The following ATP8B4 variants were observed in gnomAD, a reference collection of about 807,000 sequenced individuals.
The protein encoded by ATP8B4 is probable phospholipid-transporting ATPase IM.
ATP8B4 carries 133 observed loss-of-function variants against 145.6 expected under a neutral mutation model. That is an observed-to-expected ratio of 0.91 (90% CI 0.79 to 1.05). The LOEUF (loss-of-function observed/expected upper bound fraction) is 1.05. Ranked by LOEUF, ATP8B4 falls within the 50% of genes least tolerant of loss-of-function variation. ATP8B4 has a pLI of 0.00. For synonymous variants in ATP8B4, 507 were observed against 492.9 expected, an observed-to-expected ratio of 1.03 and a Z score of -0.38; for missense variants, 1,458 against 1,425.2, an observed-to-expected ratio of 1.02 and a Z score of -0.37.
At chr15:50,163,294 G>A (rs1323657133) in intron 1 of ATP8B4, among the ~76,000 whole-genome samples, 1 of 152,190 alleles carries the variant, frequency 6.6e-6, no homozygotes, top group Non-Finnish European at 1.5e-5. Flanking sequence ...CAAGGCACTT[G>A]GGTATTGTGA....
intron 20 of ATP8B4, among the ~76,000 whole-genome samples, chr15:49,907,475 T>C (rs189903636): frequency 6.6e-6 from 1 of 152,296 alleles, no homozygotes; most frequent in Non-Finnish European, 1.5e-5. Context: ...GCTGCCCTTA[T>C]TGGGGAAATA....
chr15:50,060,115 G>T (rs2052902261), intron 3 of ATP8B4, among the ~76,000 whole-genome samples: 1 of 152,068 alleles, frequency 6.6e-6, no homozygotes, highest in Non-Finnish European at 1.5e-5. Flanking sequence ...GACCCACAGC[G>T]TCCCCTGGGT....
chr15:50,012,258 T>C (rs2048770635), intron 6 of ATP8B4, among the ~76,000 whole-genome samples: 1 of 152,182 alleles, frequency 6.6e-6, no homozygotes, highest in Non-Finnish European at 1.5e-5. Context: ...GTGACACTTC[T>C]CAGCAAACAG....
intron 1 of ATP8B4, among the ~76,000 whole-genome samples, chr15:50,159,101 T>TA (rs149366268): frequency 0.022 from 3,226 of 148,480 alleles, 42 homozygotes; most frequent in Non-Finnish European, 0.031. Flanking sequence ...GAATGATCAA[T>TA]AAAAAAAAAA....
At chr15:49,933,090 C>G (rs2041409551) in intron 15 of ATP8B4, among the ~76,000 whole-genome samples, 1 of 151,416 alleles carries the variant, frequency 6.6e-6, no homozygotes, top group African/African-American at 2.4e-5. Flanking sequence ...CCAACTGGAC[C>G]CAAAAAATTT....
chr15:49,909,122 T>G (rs1350777725), intron 20 of ATP8B4, among the ~76,000 whole-genome samples: 1 of 152,048 alleles, frequency 6.6e-6, no homozygotes, highest in African/African-American at 2.4e-5. Flanking sequence ...GTCTGTCCAG[T>G]CTGGCTTTGA....
At chr15:50,161,559 C>A (rs1029952169) in intron 1 of ATP8B4, among the ~76,000 whole-genome samples, 1 of 151,816 alleles carries the variant, frequency 6.6e-6, no homozygotes, top group Admixed American at 6.6e-5. Context: ...TACCATGAGG[C>A]TTGTAAATAA....
chr15:50,138,295 C>T (rs562204028), intron 1 of ATP8B4, among the ~76,000 whole-genome samples: 54 of 150,460 alleles, frequency 3.6e-4, no homozygotes, highest in African/African-American at 1.3e-3. Flanking sequence ...ATTGCAGGTC[C>T]AGATAGATAC....
At chr15:50,160,890 G>A (rs2044508428) in intron 1 of ATP8B4, among the ~76,000 whole-genome samples, 1 of 151,950 alleles carries the variant, frequency 6.6e-6, no homozygotes, top group African/African-American at 2.4e-5. Flanking sequence ...AGTTCATTTG[G>A]TTTATGGTGC....
chr15:50,110,036 C>G (rs1389157186), intron 1 of ATP8B4, among the ~76,000 whole-genome samples: 1 of 152,166 alleles, frequency 6.6e-6, no homozygotes, highest in African/African-American at 2.4e-5. Flanking sequence ...TCCAAAGTGT[C>G]TTTGAAACCT....
intron 1 of ATP8B4, among the ~76,000 whole-genome samples, chr15:50,178,253 G>A (rs796739627): frequency 8.5e-5 from 13 of 152,282 alleles, no homozygotes; most frequent in African/African-American, 3.1e-4. Flanking sequence ...TCAGAGAATG[G>A]GAGAAGTGGA....
chr15:50,084,530 C>T (rs925896512), intron 2 of ATP8B4, among the ~76,000 whole-genome samples: 12 of 152,164 alleles, frequency 7.9e-5, no homozygotes, highest in African/African-American at 2.9e-4. Flanking sequence ...CTATTCTCAA[C>T]GAGCAGCCAG....
intron 20 of ATP8B4, chr15:49,908,153 C>T (rs1314524808): frequency 4.4e-6 from 2 of 454,118 alleles, no homozygotes; most frequent in Non-Finnish European, 8.8e-6. Flanking sequence ...GCCTACAATA[C>T]TCTTCCAGGC....
intron 1 of ATP8B4, among the ~76,000 whole-genome samples, chr15:50,163,655 GGCTGAAGGGCTCTACAATCAGCAGATGGT>G (rs1414944079): frequency 6.6e-6 from 1 of 152,198 alleles, no homozygotes; most frequent in Admixed American, 6.5e-5. Flanking sequence ...GTTTACTGAA[GGCTGAAGGGCTCTACAATCAGCAGATGGT>G]GAATCCAGCC....
intron 1 of ATP8B4, among the ~76,000 whole-genome samples, chr15:50,125,339 T>C (rs2057300057): frequency 6.6e-6 from 1 of 152,216 alleles, no homozygotes; most frequent in Admixed American, 6.5e-5. Context: ...GCTCTTCATC[T>C]CTTTACCCTT....
intron 1 of ATP8B4, among the ~76,000 whole-genome samples, chr15:50,141,872 C>A (rs1017148050): frequency 2.0e-5 from 3 of 152,120 alleles, no homozygotes; most frequent in African/African-American, 4.8e-5. Context: ...CAACATATTT[C>A]CCTGAACACA....
chr15:49,942,098 CT>C (rs1256016112), intron 14 of ATP8B4, among the ~76,000 whole-genome samples: 1 of 152,146 alleles, frequency 6.6e-6, no homozygotes, highest in Non-Finnish European at 1.5e-5. Context: ...ACAATGCACA[CT>C]ACTCAGGTGA....
chr15:50,063,284 G>C (rs939163625), intron 3 of ATP8B4, among the ~76,000 whole-genome samples: 3 of 151,886 alleles, frequency 2.0e-5, no homozygotes, highest in South Asian at 2.1e-4. Flanking sequence ...GTTCTTCATT[G>C]TGTTGTGCTC....
intron 3 of ATP8B4, among the ~76,000 whole-genome samples, chr15:50,058,226 C>A (rs2052745472): frequency 6.6e-6 from 1 of 152,160 alleles, no homozygotes; most frequent in East Asian, 1.9e-4. Context: ...CAGCTTTGGC[C>A]CACGAATTCG....
Sources: allele counts gnomAD v4.1 joint callset (sites outside exome capture counted in the v4.1 genomes callset), GRCh38; gene constraint gnomAD v4.1.1; transcripts MANE v1.5; gene names NCBI Gene and HGNC (gene_info 2026-07-23, HGNC 2026-07-21).